Variants in ANK2 observed in about 807,000 individuals in gnomAD.
The protein encoded by ANK2 is ankyrin 2.
ANK2 carries 83 observed loss-of-function variants against 360.5 expected under a neutral mutation model. That is an observed-to-expected ratio of 0.23 (90% CI 0.19 to 0.28). ANK2 has a LOEUF of 0.28. Ranked by LOEUF, ANK2 falls within the 10% of genes least tolerant of loss-of-function variation. The pLI is 1.00. For synonymous variants in ANK2, 1,740 were observed against 1,759.5 expected (o/e 0.99, Z 0.28); for missense variants, 4,201 against 4,795.7 (o/e 0.88, Z 3.66).
intron 37 of ANK2, among the ~76,000 whole-genome samples, chr4:113,352,575 CT>C (rs2095479461): frequency 6.6e-6 from 1 of 151,954 alleles, no homozygotes; most frequent in Non-Finnish European, 1.5e-5. Context: ...CTACTACTGG[CT>C]TTCTCCTAGA....
At chr4:112,785,165 A>C in the ANK2 span, among the ~76,000 whole-genome samples, 1 of 152,188 alleles carries the variant, frequency 6.6e-6, no homozygotes, top group Non-Finnish European at 1.5e-5. Context: ...AAATGATGGA[A>C]GAGTTTGTAC....
chr4:113,262,209 C>T (rs372996172), intron 13 of ANK2, among the ~76,000 whole-genome samples: 4 of 151,978 alleles, frequency 2.6e-5, no homozygotes, highest in East Asian at 1.9e-4. Context: ...CTAGAAATAA[C>T]GTAAAGATTT....
chr4:113,229,588 G>A (rs1050210148), intron 4 of ANK2, among the ~76,000 whole-genome samples: 2 of 152,296 alleles, frequency 1.3e-5, no homozygotes, highest in East Asian at 1.9e-4. Context: ...CCTACCAATG[G>A]ACACTTGAGA....
At chr4:112,908,095 A>G (rs189022999) in intron 2 of ANK2, among the ~76,000 whole-genome samples, 24 of 152,348 alleles carry the variant, frequency 1.6e-4, no homozygotes, top group African/African-American at 5.8e-4. Flanking sequence ...CAAGAAAACC[A>G]TACTTTTATG....
At chr4:113,093,968 T>A (rs1191439479) in intron 1 of ANK2, among the ~76,000 whole-genome samples, 1 of 152,180 alleles carries the variant, frequency 6.6e-6, no homozygotes, top group Admixed American at 6.5e-5. Context: ...CTGTCCCAAA[T>A]TCATAATTAA....
chr4:112,952,093 T>C (rs750621981), intron 2 of ANK2, among the ~76,000 whole-genome samples: 1 of 152,248 alleles, frequency 6.6e-6, no homozygotes, highest in African/African-American at 2.4e-5. Context: ...ATAGTGCTTG[T>C]AACTTTATGT....
chr4:113,363,490 A>G (rs962121302), intron 40 of ANK2, 21 bp downstream of exon 40: 12 of 1,612,686 alleles, frequency 7.4e-6, no homozygotes, highest in African/African-American at 1.3e-5. Context: ...AACTATATGC[A>G]TATTGGGCTA....
intron 1 of ANK2, among the ~76,000 whole-genome samples, chr4:113,160,009 T>G (rs1268335288): frequency 6.6e-6 from 1 of 152,176 alleles, no homozygotes; most frequent in African/African-American, 2.4e-5. Context: ...TTAATTTATT[T>G]AGTAATGTCA....
intron 1 of ANK2, among the ~76,000 whole-genome samples, chr4:113,153,088 C>G (rs1221910962): frequency 6.2e-5 from 9 of 145,308 alleles, no homozygotes; most frequent in African/African-American, 1.0e-4. Flanking sequence ...AAATTTCAGT[C>G]TTTTTTTTTT....
chr4:113,333,344 T>A, intron 29 of ANK2, 136 bp downstream of exon 29: 1 of 1,172,136 alleles, frequency 8.5e-7, no homozygotes, highest in Non-Finnish European at 1.2e-6. Flanking sequence ...CTTGTGGTAT[T>A]TTACTACAGC....
intron 13 of ANK2, among the ~76,000 whole-genome samples, chr4:113,263,420 A>C (rs1047390777): frequency 6.6e-6 from 1 of 152,214 alleles, no homozygotes; most frequent in African/African-American, 2.4e-5. Context: ...TCAGAAAATA[A>C]GCCCATTAGA....
At chr4:113,049,861 G>A in intron 1 of ANK2, 49 bp downstream of exon 1, 1 of 1,595,902 alleles carries the variant, frequency 6.3e-7, no homozygotes. Flanking sequence ...GTATGTGTGT[G>A]CATGTGTGAG....
chr4:112,967,579 T>A lies in ANK2; in HGVS notation c.21+63065T>A, dbSNP rs184238188. On this transcript the variant is annotated intron_variant, in intron 2 of 30. Transcript: ENST00000503271. Reference sequence around the variant, plus strand: ...AAGGGTTACTGAAATGATGTATACTTTTCCAAAGGTGTGAAAACAAAGTTA... The same window carrying A: ...AAGGGTTACTGAAATGATGTATACTATTCCAAAGGTGTGAAAACAAAGTTA... 2.0e-5 allele frequency among the ~76,000 whole-genome samples: 3 copies of A among 152,364 alleles called. No individual in the cohort carries two copies. In the East Asian group the frequency reaches 5.8e-4, roughly 29 times the overall value.
chr4:112,880,130 C>G lies in ANK2; in HGVS notation c.-39-24325C>G, dbSNP rs1320907011. Among the ~76,000 whole-genome samples, 4 of 152,050 alleles carry G rather than the reference C, an allele frequency of 2.6e-5. No individual in the cohort carries two copies. The East Asian group carries it at 7.7e-4, about 29-fold the overall frequency. ...CAGCTTTATAGAGGTAAAAAGTAAA[C>G]AGTATATATTTAACATATGTACTTT... On this transcript the variant is annotated intron_variant, in intron 1 of 30. Coordinates refer to the ANK2 transcript ENST00000503271.
At chr4:112,809,009 C>T in the ANK2 span, among the ~76,000 whole-genome samples, 20 of 151,806 alleles carry the variant, frequency 1.3e-4, no homozygotes, top group Non-Finnish European at 2.4e-4. Context: ...CAGGTGTGTG[C>T]CACCACACCT....
chr4:112,917,193 G>A (rs1295979622), intron 2 of ANK2, among the ~76,000 whole-genome samples: 1 of 152,164 alleles, frequency 6.6e-6, no homozygotes, highest in African/African-American at 2.4e-5. Flanking sequence ...CCAACTTTCT[G>A]CTAAAGTGAC....
intron 2 of ANK2, among the ~76,000 whole-genome samples, chr4:113,182,845 G>A (rs995463637): frequency 3.9e-5 from 6 of 152,148 alleles, no homozygotes; most frequent in Non-Finnish European, 7.3e-5. Flanking sequence ...AAGAGAATAA[G>A]AAAAGTAGCT....
chr4:113,296,617 A>C (rs59647302), intron 22 of ANK2, among the ~76,000 whole-genome samples: 1 of 152,186 alleles, frequency 6.6e-6, no homozygotes, highest in Non-Finnish European at 1.5e-5. Context: ...CTTCTGAGAC[A>C]TTTTGGAATC....
At chr4:113,305,334 C>A (rs1258984161) in intron 23 of ANK2, among the ~76,000 whole-genome samples, 5 of 85,240 alleles carry the variant, frequency 5.9e-5, no homozygotes, top group East Asian at 2.7e-4. Context: ...AGCGAGACTC[C>A]GTCTCAAAAA....
Sources: allele counts gnomAD v4.1 joint callset (sites outside exome capture counted in the v4.1 genomes callset), GRCh38; gene constraint gnomAD v4.1.1; transcripts MANE v1.5; gene names NCBI Gene and HGNC (gene_info 2026-07-23, HGNC 2026-07-21).